Variants in LMCD1 observed in about 807,000 individuals in gnomAD.
LMCD1 encodes LIM and cysteine rich domains 1.
A neutral mutation model predicts 42.7 loss-of-function variants in LMCD1; 32 were observed. That is an observed-to-expected ratio of 0.75 (90% CI 0.57 to 1.01). The LOEUF (loss-of-function observed/expected upper bound fraction) is 1.01. Ranked by LOEUF, LMCD1 falls within the 50% of genes least tolerant of loss-of-function variation. The pLI is 0.00. For missense variants in LMCD1, 458 were observed against 483.1 expected (o/e 0.95, Z 0.49); for synonymous variants, 178 against 184.9 (o/e 0.96, Z 0.30).
At chr3:8,513,553 C>G (rs1413993250) in intron 1 of LMCD1, among the ~76,000 whole-genome samples, 1 of 152,026 alleles carries the variant, frequency 6.6e-6, no homozygotes. Context: ...GTCATAAACA[C>G]TCAAGAAAAA....
chr3:8,530,601 C>T (rs1310766310), intron 1 of LMCD1, among the ~76,000 whole-genome samples: 3 of 152,206 alleles, frequency 2.0e-5, no homozygotes, highest in Non-Finnish European at 2.9e-5. Context: ...CCTACCTCTC[C>T]GGTTTCCAGC....
At chr3:8,551,216 C>T in intron 4 of LMCD1, 3 of 984,848 alleles carry the variant, frequency 3.0e-6, no homozygotes, top group Non-Finnish European at 2.4e-6. Context: ...AGGTCTTGTT[C>T]ATCTCTTTAT....
chr3:8,516,213 G>A (rs372231403), intron 1 of LMCD1, among the ~76,000 whole-genome samples: 13 of 152,142 alleles, frequency 8.5e-5, no homozygotes, highest in East Asian at 1.9e-4. Context: ...AGTGATTTCC[G>A]TGGTCTGGGG....
At chr3:8,539,871 C>T (rs372059693) in intron 3 of LMCD1, among the ~76,000 whole-genome samples, 11 of 139,892 alleles carry the variant, frequency 7.9e-5, no homozygotes, top group South Asian at 5.6e-4. Flanking sequence ...ATGTGCACAA[C>T]GTGCAGGTTT....
At chr3:8,518,947 A>G (rs567647704) in intron 1 of LMCD1, among the ~76,000 whole-genome samples, 1 of 152,310 alleles carries the variant, frequency 6.6e-6, no homozygotes, top group African/African-American at 2.4e-5. Flanking sequence ...TCTAACATAT[A>G]TTAGCTTTTG....
chr3:8,538,043 C>T (rs1030133450), intron 3 of LMCD1, among the ~76,000 whole-genome samples: 2 of 152,162 alleles, frequency 1.3e-5, no homozygotes, highest in Non-Finnish European at 2.9e-5. Flanking sequence ...CCTAGCTGCT[C>T]GCTGGAATCC....
At chr3:8,510,934 C>T (rs1693983913) in intron 1 of LMCD1, among the ~76,000 whole-genome samples, 1 of 152,108 alleles carries the variant, frequency 6.6e-6, no homozygotes, top group African/African-American at 2.4e-5. Flanking sequence ...GCATTACACG[C>T]CACACACACA....
intron 4 of LMCD1, 85 bp downstream of exon 4, chr3:8,548,988 C>A: frequency 1.0e-6 from 1 of 988,336 alleles, no homozygotes; most frequent in Non-Finnish European, 1.4e-6. Context: ...GGGCTTTGTT[C>A]CCTCATTCAT....
At chr3:8,536,138 C>T (rs907594039) in intron 2 of LMCD1, among the ~76,000 whole-genome samples, 5 of 152,312 alleles carry the variant, frequency 3.3e-5, no homozygotes, top group South Asian at 2.1e-4. Context: ...CTCAGCCTTG[C>T]CGATCATTCA....
At chr3:8,519,562 G>T (rs1574950871) in intron 1 of LMCD1, among the ~76,000 whole-genome samples, 1 of 152,272 alleles carries the variant, frequency 6.6e-6, no homozygotes, top group East Asian at 1.9e-4. Flanking sequence ...TTAGAAAAAT[G>T]TGGCCTAAAT....
chr3:8,550,005 G>A (rs1694811822), intron 4 of LMCD1: 1 of 1,507,600 alleles, frequency 6.6e-7, no homozygotes, highest in African/African-American at 1.4e-5. Context: ...GCCATGCAGA[G>A]GATTATGTTT....
chr3:8,507,020 T>G (rs1241597952), intron 1 of LMCD1, among the ~76,000 whole-genome samples: 2 of 152,350 alleles, frequency 1.3e-5, no homozygotes, highest in East Asian at 3.9e-4. Flanking sequence ...TTGAAGAGCC[T>G]TCGTTTAGAA....
intron 4 of LMCD1, among the ~76,000 whole-genome samples, chr3:8,563,955 C>T (rs1695084980): frequency 6.6e-6 from 1 of 152,160 alleles, no homozygotes; most frequent in Non-Finnish European, 1.5e-5. Context: ...ACCAGTACTC[C>T]TCAAAACTGT....
At chr3:8,534,270 G>A (rs1010714937) in intron 2 of LMCD1, among the ~76,000 whole-genome samples, 5 of 151,784 alleles carry the variant, frequency 3.3e-5, no homozygotes, top group African/African-American at 1.2e-4. Flanking sequence ...GCTCCCTGCT[G>A]TCCAACATCT....
intron 4 of LMCD1, among the ~76,000 whole-genome samples, chr3:8,560,502 G>T (rs1381763378): frequency 6.6e-6 from 1 of 152,148 alleles, no homozygotes; most frequent in Non-Finnish European, 1.5e-5. Flanking sequence ...GGAGTGGGGA[G>T]CCCCATTGAT....
chr3:8,535,996 C>T (rs574832823), intron 2 of LMCD1, among the ~76,000 whole-genome samples: 3 of 152,304 alleles, frequency 2.0e-5, no homozygotes, highest in African/African-American at 7.2e-5. Context: ...TCCTTTGGGA[C>T]AGAATTGACC....
intron 4 of LMCD1, among the ~76,000 whole-genome samples, chr3:8,549,361 T>C (rs747471999): frequency 1.3e-5 from 2 of 152,102 alleles, no homozygotes; most frequent in Non-Finnish European, 2.9e-5. Flanking sequence ...TCCCACGTGA[T>C]TGAAAGTGTG....
At position 8,551,018 on chromosome 3, in the gene LMCD1, A is replaced by G. The variant is rs553111616; in HGVS notation, c.723+2115A>G. The G allele has an allele frequency of 1.0e-5, 10 of 985,424 alleles. No homozygotes were observed. The East Asian group carries it at 1.0e-3, about 101-fold the overall frequency. 61.0% of individuals were successfully genotyped at this position (985,424 alleles called of 1,614,324 possible). Reference sequence around the variant, plus strand: ...GAACTTGGGAAGCATTTAAATAGCAATACTAGACAGTAAATGGAAAAGGCC... The same window carrying G: ...GAACTTGGGAAGCATTTAAATAGCAGTACTAGACAGTAAATGGAAAAGGCC... On this transcript the variant is annotated intron_variant, in intron 4 of 5. Coordinates refer to ENST00000157600, the MANE Select transcript of LMCD1 (RefSeq NM_014583.4).
At chr3:8,521,370 TG>T (rs1553605899) in intron 1 of LMCD1, among the ~76,000 whole-genome samples, 1 of 152,210 alleles carries the variant, frequency 6.6e-6, no homozygotes, top group Non-Finnish European at 1.5e-5. Context: ...TGGAACTTTT[TG>T]CCTCGTTCCA....
Sources: gnomAD v4.1 joint callset for allele counts (sites outside exome capture counted in the v4.1 genomes callset) on GRCh38, gnomAD v4.1.1 for gene constraint, MANE v1.5 for transcripts, NCBI Gene and HGNC (gene_info 2026-07-23, HGNC 2026-07-21) for gene names.